The following ADAMTS9 variants were observed in gnomAD, a reference collection of about 807,000 sequenced individuals.
The protein encoded by ADAMTS9 is A disintegrin and metalloproteinase with thrombospondin motifs 9.
Under a neutral mutation model 257.1 loss-of-function variants are expected in ADAMTS9, and 107 were observed. That is an observed-to-expected ratio of 0.42 (90% CI 0.36 to 0.49). The LOEUF (loss-of-function observed/expected upper bound fraction) is 0.49. ADAMTS9 is among the 20% of genes least tolerant of loss of function. The pLI is 0.03. For synonymous variants in ADAMTS9, 982 were observed against 880.9 expected (o/e 1.11, Z -2.03); for missense variants, 2,353 against 2,469.1 (o/e 0.95, Z 1.00).
chr3:64,608,272 A>C (rs1375028816), intron 22 of ADAMTS9, among the ~76,000 whole-genome samples: 3 of 150,982 alleles, frequency 2.0e-5, no homozygotes, highest in Non-Finnish European at 4.4e-5. Context: ...AAAAAAAAAA[A>C]AAAACAAGAA....
chr3:64,637,274 A>G (rs910763965), intron 12 of ADAMTS9, among the ~76,000 whole-genome samples: 1 of 152,208 alleles, frequency 6.6e-6, no homozygotes. Context: ...ATTTAGCTGA[A>G]TAGGAGTATT....
intron 38 of ADAMTS9, among the ~76,000 whole-genome samples, chr3:64,530,652 C>T (rs2082969545): frequency 6.6e-6 from 1 of 151,964 alleles, no homozygotes; most frequent in South Asian, 2.1e-4. Flanking sequence ...TAAGGTGGCG[C>T]TCCTGGCTTT....
intron 28 of ADAMTS9, among the ~76,000 whole-genome samples, chr3:64,571,800 T>C (rs9853692): frequency 0.2 from 30,453 of 152,162 alleles, 4,797 homozygotes; most frequent in East Asian, 0.44. Context: ...GGTTTATTAA[T>C]GGGCCTACTA....
chr3:64,615,980 G>A lies in ADAMTS9; in HGVS notation c.3004C>T (p.Arg1002Cys), dbSNP rs769237592. The change falls in exon 20 of 40, where the codon CGC becomes TGC. Residue 1002 changes from arginine to cysteine, a missense_variant. This residue lies in a region of ADAMTS9 where 1,402 missense variants were observed against 1,441.4 expected (regional missense o/e 0.97). Coordinates refer to ENST00000498707, the MANE Select transcript of ADAMTS9 (RefSeq NM_182920.2). ...CSGECNTGGW[R>C]YSAWTECSKS... is the part of the protein sequence containing the mutation. Reference sequence around the variant, plus strand: ...CTTACTTCAGTCCAGGCAGAATAGCGCCAGCCACCCGTGTTACATTCCCCT... The same window carrying A: ...CTTACTTCAGTCCAGGCAGAATAGCACCAGCCACCCGTGTTACATTCCCCT... The A allele has an allele frequency of 1.6e-5, 26 of 1,613,162 alleles. No individual in the cohort carries two copies. The highest frequency in any genetic ancestry group is 1.6e-4 in the East Asian group (7 of 44,884).
rs1305801969 is a variant in ADAMTS9, at chr3:64,541,431, A to G, written c.5293-17T>C. Reference sequence around the variant, plus strand: ...ACAGAATATCTGAAAGACCATAAATAACCCATGAAGAGTGGCTCAGAAATG... The same window carrying G: ...ACAGAATATCTGAAAGACCATAAATGACCCATGAAGAGTGGCTCAGAAATG... On this transcript the variant is annotated splice_polypyrimidine_tract_variant and intron_variant, in intron 34 of 39. Coordinates refer to ENST00000498707, the MANE Select transcript of ADAMTS9 (RefSeq NM_182920.2). The G allele has an allele frequency of 2.5e-6, 4 of 1,613,288 alleles. No individual in the cohort carries two copies. Among genetic ancestry groups the G allele is most frequent in the Non-Finnish European group, 3.4e-6 (4 of 1,179,374 alleles).
rs961025052 is a variant in ADAMTS9, at chr3:64,687,894, CAGG to C, written c.-240_-238del. 2.3e-3 allele frequency: 884 copies of C among 392,818 alleles called. No homozygotes were observed. The highest frequency in any genetic ancestry group is 2.9e-3 in the South Asian group (56 of 19,058). 24.3% of individuals were successfully genotyped at this position (392,818 alleles called of 1,614,324 possible). ...CGGGCCGCAGGAGGAGCCGGAGGAG[CAGG>C]AGGAGGAGGAGGACTGGGGCTCGGC... is the stretch of plus-strand genomic sequence containing the variant. On this transcript the variant is annotated 5_prime_UTR_variant, in exon 1 of 40. Coordinates refer to ENST00000498707, the MANE Select transcript of ADAMTS9 (RefSeq NM_182920.2). The surrounding 1 kb of genome is among the most constrained non-coding windows in gnomAD (Gnocchi z 4.4).
chr3:64,664,791 C>T (rs79222875), intron 3 of ADAMTS9, among the ~76,000 whole-genome samples: 1,658 of 152,160 alleles, frequency 0.011, 24 homozygotes, highest in African/African-American at 0.038. Context: ...TATACATAGC[C>T]GCAGAGTTGC....
chr3:64,561,648 G>A lies in ADAMTS9; in HGVS notation c.4628C>T (p.Pro1543Leu), dbSNP rs775114165. The A allele has an allele frequency of 4.3e-6, 7 of 1,613,934 alleles. No homozygotes were observed. In the African/African-American group the frequency reaches 9.3e-5, roughly 22 times the overall value. ...RETECNPYTR[P>L]ESERDCQGPR... Reference sequence around the variant, plus strand: ...GCCTTGGCAGTCGCGTTCCGACTCCGGTCTGGTGTATGGGTTGCACTCGGT... The same window carrying A: ...GCCTTGGCAGTCGCGTTCCGACTCCAGTCTGGTGTATGGGTTGCACTCGGT... The change falls in exon 30 of 40, where the codon CCG (proline) becomes CTG (leucine). Residue 1543 changes from proline to leucine, a missense_variant. By Grantham distance (98) the Pro-to-Leu change is moderately conservative. Transcript: ENST00000498707.
At chr3:64,630,183 T>C (rs1179882856) in intron 16 of ADAMTS9, among the ~76,000 whole-genome samples, 1 of 152,168 alleles carries the variant, frequency 6.6e-6, no homozygotes. Flanking sequence ...CTTTCAGTCA[T>C]GACTCTACTC....
chr3:64,553,921 G>T (rs1262930268), intron 30 of ADAMTS9, among the ~76,000 whole-genome samples: 1 of 152,044 alleles, frequency 6.6e-6, no homozygotes, highest in African/African-American at 2.4e-5. Context: ...CATTAAAAAG[G>T]TGAGATAGAG....
chr3:64,548,603 G>A (rs1559758056), intron 31 of ADAMTS9, among the ~76,000 whole-genome samples: 1 of 151,904 alleles, frequency 6.6e-6, no homozygotes, highest in African/African-American at 2.4e-5. Context: ...ATGTGGGGGG[G>A]AGCCCAGTGG....
intron 37 of ADAMTS9, among the ~76,000 whole-genome samples, chr3:64,537,744 T>C (rs971653368): frequency 1.3e-5 from 2 of 152,190 alleles, no homozygotes; most frequent in African/African-American, 2.4e-5. Context: ...AAGAAACTCT[T>C]GACAGAGTTT....
intron 4 of ADAMTS9, chr3:64,656,112 T>C (rs1701062902): frequency 7.3e-6 from 3 of 408,744 alleles, no homozygotes; most frequent in Admixed American, 4.3e-5. Context: ...TGAAATTGCA[T>C]TGCCACGTGA....
intron 21 of ADAMTS9, 193 bp downstream of exon 21, chr3:64,615,128 A>C (rs1238606636): frequency 3.3e-6 from 2 of 597,658 alleles, no homozygotes; most frequent in Non-Finnish European, 5.6e-6. Flanking sequence ...CCCTGAGGTC[A>C]CTGGTAGACT....
intron 16 of ADAMTS9, 104 bp from the exon 17 acceptor site, chr3:64,622,690 T>TG (rs1404309745): frequency 7.8e-7 from 1 of 1,284,024 alleles, no homozygotes; most frequent in African/African-American, 1.5e-5. Context: ...GTGCACGGAA[T>TG]GGGGACTTTT....
intron 28 of ADAMTS9, chr3:64,587,564 G>C (rs1349923688): frequency 3.9e-5 from 6 of 152,092 alleles, no homozygotes; most frequent in Admixed American, 3.9e-4. Context: ...CAAAAATAGA[G>C]AACATTTACA....
At chr3:64,544,202 A>T (rs36144509) in intron 32 of ADAMTS9, among the ~76,000 whole-genome samples, 139,802 of 152,150 alleles carry the variant, frequency 0.92, 64,816 homozygotes, top group East Asian at 1. Flanking sequence ...AGGTAATTTA[A>T]AGATTCAATG....
At chr3:64,523,093 A>G (rs1371477605) in intron 38 of ADAMTS9, among the ~76,000 whole-genome samples, 1 of 152,216 alleles carries the variant, frequency 6.6e-6, no homozygotes, top group Non-Finnish European at 1.5e-5. Context: ...AGCAAGGAAA[A>G]CAATTTACCA....
At chr3:64,591,215 G>T (rs1034330270) in intron 28 of ADAMTS9, among the ~76,000 whole-genome samples, 1 of 152,076 alleles carries the variant, frequency 6.6e-6, no homozygotes, top group Non-Finnish European at 1.5e-5. Context: ...CCAAGGCAGC[G>T]GATCACCTGA....
Sources: allele counts gnomAD v4.1 joint callset (sites outside exome capture counted in the v4.1 genomes callset), GRCh38; gene constraint gnomAD v4.1.1; regional missense constraint gnomAD v4.1.1; non-coding constraint Gnocchi (gnomAD v3.1); transcripts MANE v1.5; gene names NCBI Gene and HGNC (gene_info 2026-07-23, HGNC 2026-07-21).